The following SMOC2 variants were observed in gnomAD, a reference collection of about 807,000 sequenced individuals.
The protein encoded by SMOC2 is SPARC related modular calcium binding 2, also known as SPARC-related modular calcium-binding protein 2.
In SMOC2, 39 loss-of-function variants were observed where a neutral mutation model predicts 61.4. That is an observed-to-expected ratio of 0.64 (90% CI 0.49 to 0.83). The LOEUF is 0.83. SMOC2 is among the 40% of genes least tolerant of loss of function. SMOC2 has a pLI of 0.00. For synonymous variants in SMOC2, 247 were observed against 239.9 expected (o/e 1.03, Z -0.27); for missense variants, 556 against 592.9 (o/e 0.94, Z 0.65).
At chr6:168,521,558 G>T (rs1201411854) in intron 2 of SMOC2, among the ~76,000 whole-genome samples, 1 of 152,192 alleles carries the variant, frequency 6.6e-6, no homozygotes, top group East Asian at 1.9e-4. Context: ...TAAATTGCTT[G>T]CACAATTAAC....
At chr6:168,648,539 C>A (rs560108587) in intron 9 of SMOC2, among the ~76,000 whole-genome samples, 3 of 152,232 alleles carry the variant, frequency 2.0e-5, no homozygotes, top group Non-Finnish European at 2.9e-5. Flanking sequence ...TTGGAAGCAC[C>A]GCGGCCAGCA....
intron 8 of SMOC2, 120 bp downstream of exon 8, chr6:168,599,124 ACT>A (rs1464906587): frequency 6.4e-5 from 55 of 858,826 alleles, no homozygotes; most frequent in South Asian, 3.1e-4. Flanking sequence ...ACACACTCAC[ACT>A]CACACACACT....
chr6:168,494,000 A>G (rs1256755197), intron 1 of SMOC2, among the ~76,000 whole-genome samples: 1 of 152,236 alleles, frequency 6.6e-6, no homozygotes, highest in Non-Finnish European at 1.5e-5. Flanking sequence ...TTAAAATATT[A>G]TGAGTGTGGG....
At chr6:168,457,338 G>A (rs1381541867) in intron 1 of SMOC2, among the ~76,000 whole-genome samples, 3 of 152,184 alleles carry the variant, frequency 2.0e-5, no homozygotes, top group Non-Finnish European at 4.4e-5. Flanking sequence ...CCAGCCACGG[G>A]GATGCCACCC....
At chr6:168,457,572 A>G (rs1781614398) in intron 1 of SMOC2, among the ~76,000 whole-genome samples, 1 of 152,198 alleles carries the variant, frequency 6.6e-6, no homozygotes, top group African/African-American at 2.4e-5. Context: ...ATCCTCCCAG[A>G]ACATGAGCCC....
intron 1 of SMOC2, among the ~76,000 whole-genome samples, chr6:168,445,196 C>T (rs895251603): frequency 2.0e-5 from 3 of 152,176 alleles, no homozygotes; most frequent in African/African-American, 7.2e-5. Context: ...CGTGGGAGTT[C>T]CCTGCACTGT....
chr6:168,549,348 G>A, intron 7 of SMOC2, 145 bp downstream of exon 7: 1 of 674,530 alleles, frequency 1.5e-6, no homozygotes, highest in Non-Finnish European at 2.5e-6. Flanking sequence ...ACAAACATCT[G>A]AGGATAACTT....
intron 1 of SMOC2, among the ~76,000 whole-genome samples, chr6:168,501,710 C>T (rs1257495966): frequency 6.6e-6 from 1 of 152,268 alleles, no homozygotes; most frequent in Non-Finnish European, 1.5e-5. Flanking sequence ...ACCACGGCCT[C>T]AGGGCTCCTG....
intron 1 of SMOC2, among the ~76,000 whole-genome samples, chr6:168,490,632 G>T (rs947022122): frequency 6.6e-6 from 1 of 152,226 alleles, no homozygotes; most frequent in Non-Finnish European, 1.5e-5. Context: ...TTGAGGGGTA[G>T]AATTGAGATT....
At chr6:168,497,083 G>T (rs996232300) in intron 1 of SMOC2, among the ~76,000 whole-genome samples, 17 of 152,336 alleles carry the variant, frequency 1.1e-4, no homozygotes, top group African/African-American at 4.1e-4. Flanking sequence ...GTAAAGCTAT[G>T]CGAGAGCCCT....
At chr6:168,545,750 C>T (rs1783981454) in intron 5 of SMOC2, among the ~76,000 whole-genome samples, 2 of 152,240 alleles carry the variant, frequency 1.3e-5, no homozygotes, top group Non-Finnish European at 2.9e-5. Flanking sequence ...GGGGAATGGG[C>T]TGGTGGTCCC....
rs1465985191 is a variant in SMOC2, at chr6:168,652,986, A to AG, written c.1045dup (p.Glu349GlyfsTer13). On this transcript the variant is annotated frameshift_variant, in exon 11 of 13. Coordinates refer to ENST00000356284, the MANE Select transcript of SMOC2 (RefSeq NM_001166412.2). LOFTEE classifies it high-confidence loss of function. The stretch of plus-strand genomic sequence containing the variant: ...GAACCCGACCCCAGCCATACCCTAG[A>AG]GGAGCGGGTGGTGCACTGGTACTTC... 6.2e-7 allele frequency: 1 copy of AG among 1,613,984 alleles called. No individual in the cohort carries two copies. The highest frequency in any genetic ancestry group is 1.1e-5 in the South Asian group (1 of 91,064).
intron 9 of SMOC2, among the ~76,000 whole-genome samples, chr6:168,626,621 G>A (rs1186883686): frequency 1.3e-5 from 2 of 152,176 alleles, no homozygotes; most frequent in Non-Finnish European, 1.5e-5. Context: ...TCTACTCTCT[G>A]ATTATCACCC....
At chr6:168,451,599 GTCTCTC>G (rs59096709) in intron 1 of SMOC2, among the ~76,000 whole-genome samples, 41,080 of 145,544 alleles carry the variant, frequency 0.28, 7,444 homozygotes, top group African/African-American at 0.53. Flanking sequence ...CTCTGTCTCT[GTCTCTC>G]TCTCTCTCTC....
chr6:168,638,381 T>C (rs1337721319), intron 9 of SMOC2, among the ~76,000 whole-genome samples: 1 of 152,210 alleles, frequency 6.6e-6, no homozygotes, highest in Non-Finnish European at 1.5e-5. Context: ...AGAGCAAGTG[T>C]CATTAAGTTA....
chr6:168,466,737 T>C (rs11759500), intron 1 of SMOC2, among the ~76,000 whole-genome samples: 35,644 of 152,200 alleles, frequency 0.23, 4,532 homozygotes, highest in Admixed American at 0.34. Flanking sequence ...CATGTTTATT[T>C]CCATGTCGGC....
intron 8 of SMOC2, among the ~76,000 whole-genome samples, chr6:168,602,571 TG>T: frequency 6.6e-6 from 1 of 152,200 alleles, no homozygotes; most frequent in South Asian, 2.1e-4. Context: ...AGGGACCTGT[TG>T]TGGTTCCTTT....
intron 11 of SMOC2, chr6:168,655,349 A>G (rs543800110): frequency 8.8e-6 from 4 of 455,262 alleles, no homozygotes; most frequent in Admixed American, 4.7e-5. Context: ...AGTTTTAACA[A>G]TTGAAAATAC....
intron 1 of SMOC2, among the ~76,000 whole-genome samples, chr6:168,464,301 C>CGGAA (rs970009129): frequency 3.3e-5 from 5 of 151,786 alleles, no homozygotes; most frequent in Admixed American, 3.3e-4. Flanking sequence ...GAAGGACGGA[C>CGGAA]GGAAGGAAGG....
Sources: gnomAD v4.1 joint callset for allele counts (sites outside exome capture counted in the v4.1 genomes callset) on GRCh38, gnomAD v4.1.1 for gene constraint, MANE v1.5 for transcripts, NCBI Gene and HGNC (gene_info 2026-07-23, HGNC 2026-07-21) for gene names.